The following DACH2 variants were observed in gnomAD, a reference collection of about 807,000 sequenced individuals.
The protein encoded by DACH2 is dachshund homolog 2.
DACH2 carries 17 observed loss-of-function variants against 35.8 expected under a neutral mutation model. The ratio of observed to expected loss-of-function variants is 0.48; its 90% CI spans 0.33 to 0.71. The LOEUF (loss-of-function observed/expected upper bound fraction) is 0.71. Ranked by LOEUF, DACH2 falls within the 30% of genes least tolerant of loss-of-function variation. The pLI is 0.02. For missense variants in DACH2, 469 were observed against 472.7 expected (o/e 0.99, Z 0.07); for synonymous variants, 195 against 177.3 (o/e 1.10, Z -0.79).
chrX:86,328,463 C>T (rs2035154458), intron 1 of DACH2, among the ~76,000 whole-genome samples: 1 of 111,540 alleles, frequency 9.0e-6, no homozygotes, highest in Non-Finnish European at 1.9e-5. Context: ...TCTAAGAAAC[C>T]TATTAAGTTA....
At chrX:86,667,499 G>GAGAAAGAAAGAAAGAAAGAAAGAAAGA (rs2040694972) in intron 4 of DACH2, among the ~76,000 whole-genome samples, 9 of 42,237 alleles carry the variant, frequency 2.1e-4, no homozygotes, top group African/African-American at 8.4e-4. Flanking sequence ...AAGAAAGAAA[G>GAGAAAGAAAGAAAGAAAGAAAGAAAGA]AGAAAGAAAG....
intron 2 of DACH2, among the ~76,000 whole-genome samples, chrX:86,455,403 G>A (rs1282324953): frequency 1.8e-5 from 2 of 111,737 alleles, no homozygotes; most frequent in Admixed American, 9.5e-5. Flanking sequence ...TCACAGAACT[G>A]CAGCGATGGT....
intron 3 of DACH2, among the ~76,000 whole-genome samples, chrX:86,564,771 T>C (rs958572613): frequency 9.0e-6 from 1 of 111,671 alleles, no homozygotes; most frequent in Admixed American, 9.5e-5. Flanking sequence ...CTGCATTTAA[T>C]TGTTCCACCT....
intron 2 of DACH2, among the ~76,000 whole-genome samples, chrX:86,510,540 G>A (rs910688368): frequency 2.6e-4 from 29 of 111,816 alleles, no homozygotes; most frequent in Non-Finnish European, 1.1e-4. Context: ...TTCTAAAGAA[G>A]TTTACAGAAT....
chrX:86,487,651 A>AGTTT (rs200831644), intron 2 of DACH2, among the ~76,000 whole-genome samples: 1 of 111,545 alleles, frequency 9.0e-6, no homozygotes, highest in Non-Finnish European at 1.9e-5. Flanking sequence ...ATGAGATTTT[A>AGTTT]ATCAACTTTT....
At chrX:86,160,212 C>G (rs150864116) in intron 1 of DACH2, 82,414 of 1,166,358 alleles carry the variant, frequency 0.071, 2,435 homozygotes, top group Non-Finnish European at 0.083. Context: ...ACTAGGGTGG[C>G]AGGTATTAGG....
intron 3 of DACH2, among the ~76,000 whole-genome samples, chrX:86,515,105 A>G (rs147940073): frequency 0.049 from 5,501 of 111,361 alleles, 115 homozygotes; most frequent in Middle Eastern, 0.11. Context: ...TGATATCTTT[A>G]TACATAATGA....
intron 1 of DACH2, among the ~76,000 whole-genome samples, chrX:86,366,435 C>G (rs1035691417): frequency 1.8e-5 from 2 of 110,968 alleles, no homozygotes; most frequent in African/African-American, 6.6e-5. Context: ...ATAAAACTAA[C>G]TGCCTGGAGG....
chrX:86,650,012 T>C (rs1247868098), intron 3 of DACH2, among the ~76,000 whole-genome samples: 1 of 110,938 alleles, frequency 9.0e-6, no homozygotes, highest in African/African-American at 3.3e-5. Context: ...TATCTAAAAA[T>C]AATTAAGTTG....
intron 6 of DACH2, among the ~76,000 whole-genome samples, chrX:86,719,020 A>AT (rs756658137): frequency 1.8e-5 from 2 of 111,693 alleles, no homozygotes; most frequent in African/African-American, 3.2e-5. Context: ...TGAAAAATGA[A>AT]TTTTTTTATG....
intron 7 of DACH2, among the ~76,000 whole-genome samples, chrX:86,763,166 G>A: frequency 9.0e-6 from 1 of 111,497 alleles, no homozygotes; most frequent in East Asian, 2.8e-4. Context: ...CTTTAAAAAA[G>A]AATATTCATA....
At chrX:86,461,178 G>A (rs746065170) in intron 2 of DACH2, among the ~76,000 whole-genome samples, 1 of 111,577 alleles carries the variant, frequency 9.0e-6, no homozygotes, top group African/African-American at 3.2e-5. Context: ...ACTTGATAAT[G>A]TGTGAGGAAT....
intron 1 of DACH2, among the ~76,000 whole-genome samples, chrX:86,270,484 G>C (rs1188513938): frequency 9.0e-6 from 1 of 111,238 alleles, no homozygotes; most frequent in African/African-American, 3.3e-5. Context: ...AAAGACCTAC[G>C]AGTCAAGTGT....
intron 3 of DACH2, among the ~76,000 whole-genome samples, chrX:86,573,296 G>A (rs190567240): frequency 1.8e-5 from 2 of 111,405 alleles, no homozygotes; most frequent in East Asian, 2.9e-4. Context: ...TTGGAGACAA[G>A]AGAACTGAAG....
rs936389141 is a variant in DACH2 at position 86,813,838 on chromosome X, G to T, written c.1537+561G>T. Among the ~76,000 whole-genome samples, 6 of 110,280 alleles carry T rather than the reference G, an allele frequency of 5.4e-5. No individual in the cohort carries two copies. In the East Asian group the frequency reaches 1.7e-3, roughly 31 times the overall value. On this transcript the variant is annotated intron_variant, in intron 9 of 11. Transcript: ENST00000373125. ...TGGGTAAATTTCTTGACCTGTCAAG[G>T]ACTCAGGTTCTTCATCTATAAAATA...
intron 2 of DACH2, among the ~76,000 whole-genome samples, chrX:86,451,220 G>C (rs988201568): frequency 9.0e-6 from 1 of 111,600 alleles, no homozygotes; most frequent in African/African-American, 3.3e-5. Flanking sequence ...AATCCATCTT[G>C]AATTAATTTT....
At chrX:86,641,366 G>A (rs1214432860) in intron 3 of DACH2, among the ~76,000 whole-genome samples, 1 of 111,799 alleles carries the variant, frequency 8.9e-6, no homozygotes, top group Non-Finnish European at 1.9e-5. Context: ...GGAACTTGAA[G>A]ACTGGTTCTC....
chrX:86,667,297 G>GGGAGGAAA (rs2040684162), intron 4 of DACH2, among the ~76,000 whole-genome samples: 1 of 52,358 alleles, frequency 1.9e-5, no homozygotes, highest in Admixed American at 2.8e-4. Context: ...AAGGAAGGAA[G>GGGAGGAAA]GAAGGAAAGA....
chrX:86,586,624 T>C (rs941979413), intron 3 of DACH2, among the ~76,000 whole-genome samples: 2 of 111,742 alleles, frequency 1.8e-5, no homozygotes, highest in Non-Finnish European at 3.8e-5. Flanking sequence ...AGAGGTCCAG[T>C]TTCAATCTTC....
Sources: allele counts gnomAD v4.1 joint callset (sites outside exome capture counted in the v4.1 genomes callset), GRCh38; gene constraint gnomAD v4.1.1; transcripts MANE v1.5; gene names NCBI Gene and HGNC (gene_info 2026-07-23, HGNC 2026-07-21).